Variants in KGD4 observed in about 807,000 individuals in gnomAD.
KGD4 encodes the protein alpha-ketoglutarate dehydrogenase subunit 4, also known as alpha-ketoglutarate dehydrogenase component 4.
chr5:69,226,321 T>C, the KGD4 span: 2 of 1,566,276 alleles, frequency 1.3e-6, no homozygotes, highest in East Asian at 2.2e-5. Flanking sequence ...TTTTCATGCA[T>C]ATTACTTTTC....
chr5:69,224,097 T>C, the KGD4 span, among the ~76,000 whole-genome samples: 34 of 145,010 alleles, frequency 2.3e-4, no homozygotes, highest in African/African-American at 8.7e-4. Flanking sequence ...TGCTATCAAA[T>C]GTTTTAATTT....
At chr5:69,224,437 T>C in the KGD4 span, among the ~76,000 whole-genome samples, 8 of 152,214 alleles carry the variant, frequency 5.3e-5, no homozygotes, top group African/African-American at 1.7e-4. Context: ...CTTGGGATTA[T>C]AGTGTTTTCT....
the KGD4 span, chr5:69,218,102 A>G: frequency 1.6e-6 from 1 of 633,142 alleles, no homozygotes; most frequent in South Asian, 1.9e-5. Context: ...ACCGTGCAGC[A>G]TCTTGGCAGG....
chr5:69,228,824 G>A, the KGD4 span, among the ~76,000 whole-genome samples: 24 of 151,986 alleles, frequency 1.6e-4, no homozygotes, highest in African/African-American at 5.8e-4. Flanking sequence ...AAACCAGCCT[G>A]GCCAATGTGG....
At chr5:69,228,355 C>T in the KGD4 span, 7 of 1,599,994 alleles carry the variant, frequency 4.4e-6, no homozygotes, top group East Asian at 2.2e-5. Flanking sequence ...CAGAAGGAAA[C>T]TTGTGTCTCA....
chr5:69,217,901 T>C, the KGD4 span: 2 of 1,613,970 alleles, frequency 1.2e-6, no homozygotes, highest in Non-Finnish European at 1.7e-6. Flanking sequence ...TTCCGCATCT[T>C]GGGCGGTAGG....
At chr5:69,229,912 T>C in the KGD4 span, 1 of 151,814 alleles carries the variant, frequency 6.6e-6, no homozygotes, top group Non-Finnish European at 1.5e-5. Context: ...GAAATTGCAA[T>C]TTATTATGTT....
At chr5:69,218,101 C>A in the KGD4 span, 1 of 635,356 alleles carries the variant, frequency 1.6e-6, no homozygotes, top group Non-Finnish European at 2.7e-6. Context: ...AACCGTGCAG[C>A]ATCTTGGCAG....
At chr5:69,229,716 T>C in the KGD4 span, 1 of 153,542 alleles carries the variant, frequency 6.5e-6, no homozygotes, top group Non-Finnish European at 1.4e-5. Context: ...CATTCACAAG[T>C]TTACTGGAGT....
At chr5:69,225,231 A>T in the KGD4 span, among the ~76,000 whole-genome samples, 1 of 149,172 alleles carries the variant, frequency 6.7e-6, no homozygotes, top group South Asian at 2.1e-4. Context: ...CAGCCTCCCA[A>T]GTAGCTGGAA....
At chr5:69,227,860 A>T in the KGD4 span, among the ~76,000 whole-genome samples, 2 of 152,176 alleles carry the variant, frequency 1.3e-5, no homozygotes, top group African/African-American at 4.8e-5. Flanking sequence ...TATAATCCTG[A>T]CTACTCACAG....
chr5:69,219,666 A>G, the KGD4 span, among the ~76,000 whole-genome samples: 16,437 of 151,990 alleles, frequency 0.11, 1,045 homozygotes, highest in Admixed American at 0.16. Context: ...TTAGAATTCA[A>G]ATCAGGTTCG....
At chr5:69,224,387 C>T in the KGD4 span, among the ~76,000 whole-genome samples, 2 of 142,238 alleles carry the variant, frequency 1.4e-5, no homozygotes, top group Non-Finnish European at 3.0e-5. Flanking sequence ...GAGACTCCAT[C>T]TCAAAAAAAA....
chr5:69,218,470 A>ATATGTGTGTGTGTGTGTGTG, the KGD4 span, among the ~76,000 whole-genome samples: 3 of 148,524 alleles, frequency 2.0e-5, no homozygotes, highest in African/African-American at 7.4e-5. Flanking sequence ...GTGTATATTA[A>ATATGTGTGTGTGTGTGTGTG]TGTGTGTGTG....
the KGD4 span, chr5:69,226,270 A>C: frequency 1.3e-5 from 14 of 1,085,422 alleles, no homozygotes; most frequent in South Asian, 2.8e-5. Flanking sequence ...GTATCTACTT[A>C]TGAGGTTTAG....
chr5:69,221,483 G>T, the KGD4 span, among the ~76,000 whole-genome samples: 1 of 152,288 alleles, frequency 6.6e-6, no homozygotes, highest in East Asian at 1.9e-4. Context: ...AAAATAAAGA[G>T]ATAGTCAACT....
the KGD4 span, chr5:69,217,805 CG>C: frequency 1.2e-6 from 2 of 1,613,038 alleles, no homozygotes; most frequent in African/African-American, 1.3e-5. Flanking sequence ...GCTCGCGCCC[CG>C]GAAACTGCCC....
At chr5:69,219,287 G>A in the KGD4 span, among the ~76,000 whole-genome samples, 1 of 152,122 alleles carries the variant, frequency 6.6e-6, no homozygotes, top group African/African-American at 2.4e-5. Context: ...TAGGTTTATT[G>A]CCCAAGAGAA....
the KGD4 span, among the ~76,000 whole-genome samples, chr5:69,225,800 T>C: frequency 6.6e-6 from 1 of 151,644 alleles, no homozygotes; most frequent in African/African-American, 2.4e-5. Flanking sequence ...AGGCTGGTCT[T>C]GAACTCCTGA....
Sources: gnomAD v4.1 joint callset for allele counts (sites outside exome capture counted in the v4.1 genomes callset) on GRCh38, gnomAD v4.1.1 for gene constraint, MANE v1.5 for transcripts, NCBI Gene and HGNC (gene_info 2026-07-23, HGNC 2026-07-21) for gene names.